SHC3: variants seen among roughly 807,000 people sequenced by gnomAD.
The protein encoded by SHC3 is SHC adaptor protein 3.
Under a neutral mutation model 60.4 loss-of-function variants are expected in SHC3, and 15 were observed. That is an observed-to-expected ratio of 0.25 (90% CI 0.17 to 0.38). SHC3 has a LOEUF of 0.38. Ranked by LOEUF, SHC3 falls within the 10% of genes least tolerant of loss-of-function variation. SHC3 has a pLI of 1.00. For missense variants in SHC3, 677 were observed against 786.1 expected (o/e 0.86, Z 1.66); for synonymous variants, 294 against 325.9 (o/e 0.90, Z 1.05).
chr9:89,062,259 T>A (rs1014195493), intron 6 of SHC3, among the ~76,000 whole-genome samples: 1 of 152,234 alleles, frequency 6.6e-6, no homozygotes, highest in African/African-American at 2.4e-5. Context: ...AAAGCCTGAC[T>A]TGTTGGGAAT....
At chr9:89,115,940 C>A (rs1826013160) in intron 1 of SHC3, among the ~76,000 whole-genome samples, 1 of 152,172 alleles carries the variant, frequency 6.6e-6, no homozygotes, top group South Asian at 2.1e-4. Flanking sequence ...ATGTGAATAG[C>A]ACCACAAACA....
intron 2 of SHC3, chr9:89,109,940 C>A: frequency 1.0e-6 from 1 of 985,436 alleles, no homozygotes; most frequent in Non-Finnish European, 1.2e-6. Flanking sequence ...AGCTGACCTG[C>A]ATGTTCCTTC....
chr9:89,061,453 T>C (rs1442595538), intron 6 of SHC3, among the ~76,000 whole-genome samples: 1 of 152,198 alleles, frequency 6.6e-6, no homozygotes, highest in African/African-American at 2.4e-5. Context: ...GTGTGAAGCA[T>C]TGTCTTCCCC....
intron 1 of SHC3, among the ~76,000 whole-genome samples, chr9:89,124,883 G>A (rs1326948625): frequency 6.6e-6 from 1 of 151,916 alleles, no homozygotes; most frequent in African/African-American, 2.4e-5. Flanking sequence ...TCTGAAAAAA[G>A]GAAAAAAATA....
chr9:89,038,057 A>G lies in SHC3; in HGVS notation c.1592T>C (p.Phe531Ser). ...GCCATTGTGCATGCCCGTGAGGACA[A>G]AGGAGCCCGGGTTGGTGGTGCTCTT... ...VRKSTTNPGS[F>S]VLTGMHNGQA... The change falls in exon 11 of 12, where the codon TTT (phenylalanine) becomes TCT (serine). Residue 531 changes from phenylalanine to serine, a missense_variant. Phe to Ser is a radical substitution (Grantham distance 155, BLOSUM62 -2). Transcript: ENST00000375835. The G allele has an allele frequency of 6.2e-7, 1 of 1,613,904 alleles. No homozygotes were observed. The highest frequency in any genetic ancestry group is 2.2e-5 in the East Asian group (1 of 44,866).
intron 11 of SHC3, among the ~76,000 whole-genome samples, chr9:89,022,424 G>A (rs1310109077): frequency 1.3e-5 from 2 of 152,128 alleles, no homozygotes; most frequent in Non-Finnish European, 2.9e-5. Flanking sequence ...TTTGGGACGT[G>A]GCAACCGTGG....
rs765258835 is a variant in SHC3, at chr9:89,008,007, CTG to C, written c.*5438_*5439del. 2.0e-5 allele frequency: 3 copies of C among 152,242 alleles called. No individual in the cohort carries two copies. Among genetic ancestry groups the C allele is most frequent in the Non-Finnish European group, 4.4e-5 (3 of 68,050 alleles). 9.4% of individuals were successfully genotyped at this position (152,242 alleles called of 1,614,324 possible). On this transcript the variant is annotated 3_prime_UTR_variant, in exon 12 of 12. Coordinates refer to ENST00000375835, the MANE Select transcript of SHC3 (RefSeq NM_016848.6). Reference sequence around the variant, plus strand: ...CCAAGGTGCACAACACAGAGCCAATCTGCGTGTGTACAGAGATGCAGATCCGT... The same window carrying C: ...CCAAGGTGCACAACACAGAGCCAATCCGTGTGTACAGAGATGCAGATCCGT...
chr9:89,025,933 G>A (rs1332567913), intron 11 of SHC3, among the ~76,000 whole-genome samples: 1 of 152,044 alleles, frequency 6.6e-6, no homozygotes, highest in Non-Finnish European at 1.5e-5. Context: ...TAAGAGTCTG[G>A]TACCTTTTTA....
At chr9:89,163,308 G>A (rs1261717777) in intron 1 of SHC3, among the ~76,000 whole-genome samples, 8 of 152,114 alleles carry the variant, frequency 5.3e-5, no homozygotes, top group Admixed American at 2.6e-4. Context: ...TGTTTATTGC[G>A]GCATTGTTCA....
intron 2 of SHC3, among the ~76,000 whole-genome samples, chr9:89,101,873 T>C (rs1564144202): frequency 6.6e-6 from 1 of 152,180 alleles, no homozygotes; most frequent in Non-Finnish European, 1.5e-5. Flanking sequence ...TTCCCTCCTA[T>C]ATTCTGGAAA....
At position 89,090,825 on chromosome 9, in the gene SHC3, A is replaced by G. The variant is rs1825610535; in HGVS notation, c.546-12922T>C. Among the ~76,000 whole-genome samples, 3 of 152,364 alleles carry G rather than the reference A, an allele frequency of 2.0e-5. No individual in the cohort carries two copies. The South Asian group carries it at 6.2e-4, about 32-fold the overall frequency. On this transcript the variant is annotated intron_variant, in intron 2 of 11. Transcript: ENST00000375835. ...CCTAAAGATTTAAGTAGTGAAAACT[A>G]CAAGGAAATGAATATCAGGGTTTGC...
At position 89,010,210 on chromosome 9, in the gene SHC3, A is replaced by G. The variant is rs939798838; in HGVS notation, c.*3237T>C. 2.0e-5 allele frequency: 3 copies of G among 152,246 alleles called. No homozygotes were observed. Among genetic ancestry groups the G allele is most frequent in the Non-Finnish European group, 2.9e-5 (2 of 68,038 alleles). 9.4% of individuals were successfully genotyped at this position (152,246 alleles called of 1,614,324 possible). On this transcript the variant is annotated 3_prime_UTR_variant, in exon 12 of 12. Transcript: ENST00000375835. ...GCTCATCAAGGCTGAGCGGACGCCC[A>G]GTCTTTGGGTGCTTCAAATATAAAA...
At chr9:89,056,795 A>T (rs1159987335) in intron 6 of SHC3, among the ~76,000 whole-genome samples, 2 of 152,250 alleles carry the variant, frequency 1.3e-5, no homozygotes, top group African/African-American at 4.8e-5. Flanking sequence ...TTCATGTCCC[A>T]CACAGTGGGC....
intron 10 of SHC3, 112 bp from the exon 11 acceptor site, chr9:89,038,400 A>C (rs1824621431): frequency 4.2e-6 from 5 of 1,186,762 alleles, no homozygotes; most frequent in Non-Finnish European, 4.6e-6. Context: ...CAACTCCTCC[A>C]GAAGGGGAAA....
At chr9:89,173,655 G>C (rs553996654) in intron 1 of SHC3, among the ~76,000 whole-genome samples, 1 of 152,060 alleles carries the variant, frequency 6.6e-6, no homozygotes, top group African/African-American at 2.4e-5. Flanking sequence ...TGTGTGTGTT[G>C]TGTGTGTGCA....
intron 11 of SHC3, among the ~76,000 whole-genome samples, chr9:89,028,861 T>A (rs1824421276): frequency 1.4e-5 from 2 of 147,634 alleles, no homozygotes; most frequent in Non-Finnish European, 3.0e-5. Context: ...TATATCTATA[T>A]ATAGATTAGA....
chr9:89,141,701 C>A (rs1167144527), intron 1 of SHC3, among the ~76,000 whole-genome samples: 1 of 152,150 alleles, frequency 6.6e-6, no homozygotes, highest in Admixed American at 6.6e-5. Context: ...CTGCTTAGCA[C>A]CCAATGTCAA....
chr9:89,042,359 G>T (rs1245173869), intron 9 of SHC3, among the ~76,000 whole-genome samples, 175 bp from the exon 10 acceptor site: 1 of 152,204 alleles, frequency 6.6e-6, no homozygotes, highest in East Asian at 1.9e-4. Flanking sequence ...ACCCAGCTAG[G>T]ATGTTTTCCA....
intron 1 of SHC3, among the ~76,000 whole-genome samples, chr9:89,156,844 A>T (rs780361706): frequency 1.3e-5 from 2 of 152,154 alleles, no homozygotes; most frequent in African/African-American, 2.4e-5. Context: ...ACACATTCTT[A>T]GACAAAGCTT....
Sources: allele counts gnomAD v4.1 joint callset (sites outside exome capture counted in the v4.1 genomes callset), GRCh38; gene constraint gnomAD v4.1.1; transcripts MANE v1.5; gene names NCBI Gene and HGNC (gene_info 2026-07-23, HGNC 2026-07-21).